The following TLN1 variants were observed in gnomAD, a reference collection of about 807,000 sequenced individuals.
The protein encoded by TLN1 is talin-1.
TLN1 carries 56 observed loss-of-function variants against 292.3 expected under a neutral mutation model. The ratio of observed to expected loss-of-function variants is 0.19; its 90% CI spans 0.15 to 0.24. TLN1 has a LOEUF of 0.24. Among genes scored for constraint, TLN1 ranks in the 10% least tolerant of loss-of-function variants. The pLI is 1.00. For missense variants in TLN1, 2,433 were observed against 3,248.2 expected (o/e 0.75, Z 6.10); for synonymous variants, 1,119 against 1,253.7 (o/e 0.89, Z 2.27).
In TLN1 at chr9:35,722,743, C is replaced by G. The variant is rs1039964712; in HGVS notation, c.843+118G>C. 5.1e-6 allele frequency: 5 copies of G among 985,740 alleles called. No homozygotes were observed. In the African/African-American group the frequency reaches 7.9e-5, roughly 16 times the overall value. 61.1% of individuals were successfully genotyped at this position (985,740 alleles called of 1,614,324 possible). Reference sequence around the variant, plus strand: ...GGCAGAGGTGAGGTGGGATAACAGCCCGGTGGGTGAAAGCCAAGTTAGGGG... The same window carrying G: ...GGCAGAGGTGAGGTGGGATAACAGCGCGGTGGGTGAAAGCCAAGTTAGGGG... On this transcript the variant is annotated intron_variant, in intron 8 of 56. Coordinates refer to ENST00000314888, the MANE Select transcript of TLN1 (RefSeq NM_006289.4).
chr9:35,700,482 G>T, intron 48 of TLN1, 106 bp from the exon 49 acceptor site: 1 of 1,197,670 alleles, frequency 8.3e-7, no homozygotes, highest in Non-Finnish European at 1.1e-6. Context: ...ACATCACAGT[G>T]AATGTAACAA....
At position 35,721,562 on chromosome 9, in the gene TLN1, T is replaced by C. The variant is rs928515830; in HGVS notation, c.1104+86A>G. On this transcript the variant is annotated intron_variant, in intron 10 of 56. Transcript: ENST00000314888. ...TTTTCTGGAGTAATACTCAGTATAC[T>C]TACCCCAAGAGAGGGAAGAGACCTC... 4.1e-6 allele frequency: 6 copies of C among 1,469,250 alleles called. No individual in the cohort carries two copies. In the African/African-American group the frequency reaches 7.0e-5, roughly 17 times the overall value. The allele number at this position is 1,469,250 out of a possible 1,614,324, so 91.0% of individuals were successfully genotyped here. A position where few individuals can be genotyped will look rare whatever the true frequency, so the allele number is the denominator to read the frequency against.
chr9:35,724,365 AC>A lies in TLN1; in HGVS notation c.512-32del. ...ATACAGACAGTCCCCTCAGTGCCAA[AC>A]CCCCATGGCCCCTGTGCTGTCTGGT... On this transcript the variant is annotated intron_variant, in intron 5 of 56. Coordinates refer to ENST00000314888, the MANE Select transcript of TLN1 (RefSeq NM_006289.4). The surrounding 1 kb of genome is among the most constrained non-coding windows in gnomAD (Gnocchi z 4.7). 1.2e-6 allele frequency: 2 copies of A among 1,613,036 alleles called. No individual in the cohort carries two copies. The highest frequency in any genetic ancestry group is 8.5e-7 in the Non-Finnish European group (1 of 1,179,390).
chr9:35,718,251 C>T (rs1370525893), intron 17 of TLN1, among the ~76,000 whole-genome samples: 1 of 152,232 alleles, frequency 6.6e-6, no homozygotes, highest in East Asian at 1.9e-4. Context: ...CTCCTCATCT[C>T]CCACCAAGTT....
In TLN1 at chr9:35,705,858, G is replaced by C. The variant is rs765301783; in HGVS notation, c.5512-7C>G. 5 of 1,614,088 alleles carry C rather than the reference G, an allele frequency of 3.1e-6. No individual in the cohort carries two copies. Among genetic ancestry groups the C allele is most frequent in the Non-Finnish European group, 1.7e-6 (2 of 1,180,042 alleles). On this transcript the variant is annotated splice_region_variant and splice_polypyrimidine_tract_variant and intron_variant, in intron 41 of 56. Coordinates refer to ENST00000314888, the MANE Select transcript of TLN1 (RefSeq NM_006289.4). Reference sequence around the variant, plus strand: ...CCATTGGTCCTTCATCTAGCTGAGGGGGGAGGATAGGGAAAGGGAAAGACT... The same window carrying C: ...CCATTGGTCCTTCATCTAGCTGAGGCGGGAGGATAGGGAAAGGGAAAGACT...
At position 35,716,452 on chromosome 9, in the gene TLN1, T is replaced by C; in HGVS notation, c.2563A>G (p.Lys855Glu). 1 of 1,614,190 alleles carries C rather than the reference T, an allele frequency of 6.2e-7. No homozygotes were observed. Among genetic ancestry groups the C allele is most frequent in the Non-Finnish European group, 8.5e-7 (1 of 1,180,044 alleles). Reference protein sequence around the residue: ...EGESDLENSRKLLSAAKILAD... With the variant: ...EGESDLENSRELLSAAKILAD... ...AGGATCTTGGCAGCACTTAAGAGCT[T>C]GCGGGAGTTCTCCAGATCACTTTCC... is the stretch of plus-strand genomic sequence containing the variant. Residue 855 changes from lysine (K) to glutamate (E), a missense_variant, in exon 20 of 57, where the codon AAG becomes GAG. Lys to Glu is a moderately conservative substitution (Grantham distance 56, BLOSUM62 1). Around this residue, in one of 7 missense-constraint regions of TLN1, gnomAD observed 617 missense variants for 770.6 expected, o/e 0.80. Transcript: ENST00000314888.
chr9:35,712,687 G>A (rs1825696650), intron 27 of TLN1, 148 bp downstream of exon 27: 1 of 635,870 alleles, frequency 1.6e-6, no homozygotes, highest in Admixed American at 3.0e-5. Flanking sequence ...GAACATAAGG[G>A]TGGAATCCAC....
At chr9:35,723,775 A>C in intron 7 of TLN1, 177 bp downstream of exon 7, 1 of 872,940 alleles carries the variant, frequency 1.1e-6, no homozygotes, top group Admixed American at 2.4e-5. Context: ...TTCATATTCC[A>C]GAGGCAGAGA....
At chr9:35,721,320 C>A (rs892504577) in intron 10 of TLN1, among the ~76,000 whole-genome samples, 5 of 152,080 alleles carry the variant, frequency 3.3e-5, no homozygotes, top group Non-Finnish European at 7.4e-5. Context: ...AATTCATAAC[C>A]CTATAATATA....
In TLN1 at chr9:35,699,088, C is replaced by T. The variant is rs1486983988; in HGVS notation, c.6943G>A (p.Ala2315Thr). ...AGCTTTTTGGCTGCAGCCTCAATGG[C>T]GGCTGCAGCTCCCAGGAGCTCATTC... ...AENELLGAAA[A>T]IEAAAKKLEQ... Residue 2315 changes from alanine (A) to threonine (T), a missense_variant, in exon 52 of 57, where the codon GCC (alanine) becomes ACC (threonine). Coordinates refer to ENST00000314888, the MANE Select transcript of TLN1 (RefSeq NM_006289.4). This position sits in a 1 kb window ranked among gnomAD's most constrained non-coding sequence, Gnocchi z 4.0. 5.0e-6 allele frequency: 8 copies of T among 1,613,760 alleles called. No homozygotes were observed. The highest frequency in any genetic ancestry group is 6.8e-6 in the Non-Finnish European group (8 of 1,179,862).
Position 35,724,510 on chromosome 9 carries a change from A to T in TLN1, c.511+62T>A. The T allele has an allele frequency of 6.3e-7, 1 of 1,585,818 alleles. No homozygotes were observed. ...GTAAAACAGTGCCTGGCAGAAGCAG[A>T]TGCTGAAGCCCCTTCCCACCCTTCC... On this transcript the variant is annotated intron_variant, in intron 5 of 56. Coordinates refer to ENST00000314888, the MANE Select transcript of TLN1 (RefSeq NM_006289.4). This position sits in a 1 kb window ranked among gnomAD's most constrained non-coding sequence, Gnocchi z 4.7.
In TLN1 at chr9:35,710,864, T is replaced by C. The variant is rs762215768; in HGVS notation, c.4136A>G (p.Asn1379Ser). The change falls in exon 32 of 57, where the codon AAC (asparagine) becomes AGC (serine). Residue 1379 changes from asparagine to serine, a missense_variant. Asn to Ser is a conservative substitution (Grantham distance 46, BLOSUM62 1). Transcript: ENST00000314888. Reference sequence around the variant, plus strand: ...CATGTCATTGATGGGCTGGACTGGGTTCTCCAGGAGTTCCCGGACCGTCTG... The same window carrying C: ...CATGTCATTGATGGGCTGGACTGGGCTCTCCAGGAGTTCCCGGACCGTCTG... Reference protein sequence around the residue: ...ELETVRELLENPVQPINDMSY... With the variant: ...ELETVRELLESPVQPINDMSY... 2.5e-6 allele frequency: 4 copies of C among 1,614,230 alleles called. No individual in the cohort carries two copies. Among genetic ancestry groups the C allele is most frequent in the Non-Finnish European group, 3.4e-6 (4 of 1,180,042 alleles).
chr9:35,726,984 T>A (rs1242842413), intron 1 of TLN1, among the ~76,000 whole-genome samples: 1 of 152,194 alleles, frequency 6.6e-6, no homozygotes, highest in East Asian at 1.9e-4. Flanking sequence ...TCTCACCCAC[T>A]TCCCCTGACT....
chr9:35,715,231 G>A (rs1296075299), intron 20 of TLN1, 44 bp from the exon 21 acceptor site: 2 of 1,596,802 alleles, frequency 1.3e-6, no homozygotes, highest in African/African-American at 2.7e-5. Context: ...GCTCTCCTGT[G>A]GATCCTAAAG....
At chr9:35,705,502 C>T in intron 43 of TLN1, 49 bp downstream of exon 43, 3 of 1,525,216 alleles carry the variant, frequency 2.0e-6, no homozygotes, top group Non-Finnish European at 2.6e-6. Flanking sequence ...GACACTGACA[C>T]ATCAGGAACA....
chr9:35,724,439 C>T lies in TLN1; in HGVS notation c.512-105G>A, dbSNP rs1825932480. On this transcript the variant is annotated intron_variant, in intron 5 of 56. Coordinates refer to ENST00000314888, the MANE Select transcript of TLN1 (RefSeq NM_006289.4). This position sits in a 1 kb window ranked among gnomAD's most constrained non-coding sequence, Gnocchi z 4.7. ...TACCTCCCCTCACTTAAATGTAAGT[C>T]CCATGAGTGTAGGACTTTGTTTTCT... is the stretch of plus-strand genomic sequence containing the variant. 6.4e-7 allele frequency: 1 copy of T among 1,571,276 alleles called. No homozygotes were observed. Among genetic ancestry groups the T allele is most frequent in the Admixed American group, 1.7e-5 (1 of 58,132 alleles).
At chr9:35,702,089 A>C (rs1177404050) in intron 48 of TLN1, among the ~76,000 whole-genome samples, 1 of 152,224 alleles carries the variant, frequency 6.6e-6, no homozygotes, top group Non-Finnish European at 1.5e-5. Flanking sequence ...AGTGTGAACC[A>C]GAGTGCGGAC....
In TLN1 at chr9:35,711,310, G is replaced by C; in HGVS notation, c.3964C>G (p.Leu1322Val). ...TTAGGGGCAGCAGGGTCCGTGGACA[G>C]GGCCTTGGCAGCCAGAAGAAGTTTG... The part of the protein sequence containing the change: ...SSKLLLAAKA[L>V]STDPAAPNLK... The change falls in exon 30 of 57, where the codon CTG becomes GTG. Residue 1322 changes from leucine to valine, a missense_variant. Around this residue, in one of 7 missense-constraint regions of TLN1, gnomAD observed 1,384 missense variants for 1,699.6 expected, o/e 0.81. Transcript: ENST00000314888. 6.2e-7 allele frequency: 1 copy of C among 1,614,226 alleles called. No homozygotes were observed. The highest frequency in any genetic ancestry group is 1.1e-5 in the South Asian group (1 of 91,080).
intron 17 of TLN1, among the ~76,000 whole-genome samples, chr9:35,718,265 GT>G (rs1825819354): frequency 6.6e-6 from 1 of 152,192 alleles, no homozygotes; most frequent in Non-Finnish European, 1.5e-5. Context: ...CCAAGTTCTG[GT>G]CCCCCAGGAG....
Sources: gnomAD v4.1 joint callset for allele counts (sites outside exome capture counted in the v4.1 genomes callset) on GRCh38, gnomAD v4.1.1 for gene constraint, gnomAD v4.1.1 regional missense constraint, Gnocchi (gnomAD v3.1) non-coding constraint, MANE v1.5 for transcripts, NCBI Gene and HGNC (gene_info 2026-07-23, HGNC 2026-07-21) for gene names.